Variants in NR3C2 observed in about 807,000 individuals in gnomAD.
The protein encoded by NR3C2 is mineralocorticoid receptor.
Under a neutral mutation model 86.4 loss-of-function variants are expected in NR3C2, and 15 were observed. The observed-to-expected ratio is 0.17, with a 90% confidence interval of 0.12 to 0.27. The LOEUF is 0.27. Ranked by LOEUF, NR3C2 falls within the 10% of genes least tolerant of loss-of-function variation. The pLI, the probability that NR3C2 is intolerant of heterozygous loss-of-function variation, is 1.00. For missense variants in NR3C2, 960 were observed against 1,195.6 expected (o/e 0.80, Z 2.91); for synonymous variants, 458 against 450.5 (o/e 1.02, Z -0.21).
chr4:148,259,190 C>T (rs1350650850), intron 3 of NR3C2, among the ~76,000 whole-genome samples: 2 of 152,100 alleles, frequency 1.3e-5, no homozygotes, highest in African/African-American at 4.8e-5. Context: ...ATGTGGAGCC[C>T]CTTAGTGAAT....
chr4:148,444,893 G>T (rs1280225570), upstream of NR3C2: 42 of 984,706 alleles, frequency 4.3e-5, no homozygotes, highest in Non-Finnish European at 5.1e-5. Context: ...CGCGCCCGCC[G>T]CTCCGCAGCG....
intron 2 of NR3C2, among the ~76,000 whole-genome samples, chr4:148,370,432 T>C (rs1028404113): frequency 6.6e-5 from 10 of 152,242 alleles, no homozygotes; most frequent in African/African-American, 2.4e-4. Context: ...GTTAAAGTTT[T>C]TTCTGTGAAT....
chr4:148,369,005 G>T (rs1489234032), intron 2 of NR3C2, among the ~76,000 whole-genome samples: 1 of 152,106 alleles, frequency 6.6e-6, no homozygotes, highest in Non-Finnish European at 1.5e-5. Context: ...CCCACTTGCT[G>T]CCATTAACTA....
intron 3 of NR3C2, among the ~76,000 whole-genome samples, chr4:148,254,086 G>A (rs535157716): frequency 1.8e-4 from 28 of 151,866 alleles, no homozygotes; most frequent in East Asian, 7.8e-4. Flanking sequence ...CTATCTGCCC[G>A]CCCTCTCAAT....
chr4:148,319,166 T>G (rs1198345270), intron 2 of NR3C2, among the ~76,000 whole-genome samples: 4 of 151,732 alleles, frequency 2.6e-5, no homozygotes, highest in Non-Finnish European at 5.9e-5. Context: ...TTCTCAGGTT[T>G]GTCAAAGATC....
intron 2 of NR3C2, among the ~76,000 whole-genome samples, chr4:148,274,569 T>G (rs1266497794): frequency 6.6e-6 from 1 of 152,142 alleles, no homozygotes; most frequent in East Asian, 1.9e-4. Context: ...TGCTGCCATG[T>G]AAGACGTGCC....
intron 6 of NR3C2, among the ~76,000 whole-genome samples, chr4:148,135,429 T>TC (rs1489909197): frequency 6.6e-6 from 1 of 152,106 alleles, no homozygotes; most frequent in African/African-American, 2.4e-5. Context: ...CAAGGTGCCA[T>TC]CTTGGAAGGA....
At chr4:148,252,563 C>A (rs1241540425) in intron 3 of NR3C2, among the ~76,000 whole-genome samples, 1 of 152,128 alleles carries the variant, frequency 6.6e-6, no homozygotes, top group Non-Finnish European at 1.5e-5. Flanking sequence ...GGATACAAAT[C>A]AGATGAAAAG....
intron 2 of NR3C2, among the ~76,000 whole-genome samples, chr4:148,430,167 A>G (rs1021415297): frequency 2.0e-5 from 3 of 149,670 alleles, no homozygotes; most frequent in Admixed American, 6.6e-5. Flanking sequence ...AGAACTTTAC[A>G]TTCAAAAGTC....
chr4:148,225,868 C>T (rs554878210), intron 3 of NR3C2, among the ~76,000 whole-genome samples: 5 of 152,232 alleles, frequency 3.3e-5, no homozygotes, highest in African/African-American at 9.6e-5. Flanking sequence ...GACTGTATCA[C>T]TCACTGGGTC....
At chr4:148,325,830 G>A (rs1018143296) in intron 2 of NR3C2, among the ~76,000 whole-genome samples, 1 of 152,152 alleles carries the variant, frequency 6.6e-6, no homozygotes, top group African/African-American at 2.4e-5. Flanking sequence ...AATCCTTACA[G>A]TAGATGTTAT....
At chr4:148,321,310 T>C (rs926640093) in intron 2 of NR3C2, among the ~76,000 whole-genome samples, 2 of 149,678 alleles carry the variant, frequency 1.3e-5, no homozygotes, top group South Asian at 2.1e-4. Flanking sequence ...ATGTGGTCAA[T>C]TTTGGAATAG....
chr4:148,188,113 T>A (rs1484713805), intron 4 of NR3C2, among the ~76,000 whole-genome samples: 1 of 152,258 alleles, frequency 6.6e-6, no homozygotes, highest in Non-Finnish European at 1.5e-5. Context: ...TTTTGGTAAC[T>A]ATGGCCTTAC....
intron 3 of NR3C2, among the ~76,000 whole-genome samples, chr4:148,204,744 A>G (rs1205525704): frequency 3.3e-5 from 5 of 152,236 alleles, no homozygotes; most frequent in Non-Finnish European, 7.3e-5. Context: ...CAAATACATC[A>G]CTAACCACTC....
At chr4:148,101,215 C>T (rs4835479) in intron 8 of NR3C2, among the ~76,000 whole-genome samples, 6,875 of 152,254 alleles carry the variant, frequency 0.045, 213 homozygotes, top group Middle Eastern at 0.11. Context: ...TGTGGACATT[C>T]CCCCTTCTCA....
chr4:148,422,656 A>T (rs545572542), intron 2 of NR3C2, among the ~76,000 whole-genome samples: 2 of 152,302 alleles, frequency 1.3e-5, no homozygotes, highest in South Asian at 4.1e-4. Flanking sequence ...ACAAGCCTAG[A>T]TCTTGTATGC....
chr4:148,130,059 T>C (rs1732946334), intron 6 of NR3C2, among the ~76,000 whole-genome samples: 1 of 152,262 alleles, frequency 6.6e-6, no homozygotes, highest in Admixed American at 6.5e-5. Context: ...TTTTTAGTTT[T>C]ACCGTATCTG....
At chr4:148,223,905 T>C (rs2149830649) in intron 3 of NR3C2, among the ~76,000 whole-genome samples, 1 of 152,264 alleles carries the variant, frequency 6.6e-6, no homozygotes, top group Non-Finnish European at 1.5e-5. Flanking sequence ...ATGTTTTAGG[T>C]ACCTGTAAAA....
chr4:148,346,911 A>C (rs185314413), intron 2 of NR3C2, among the ~76,000 whole-genome samples: 1 of 152,126 alleles, frequency 6.6e-6, no homozygotes. Context: ...AGAAGCACTA[A>C]TGAGAGTTTG....
Sources: gnomAD v4.1 joint callset for allele counts (sites outside exome capture counted in the v4.1 genomes callset) on GRCh38, gnomAD v4.1.1 for gene constraint, MANE v1.5 for transcripts, NCBI Gene and HGNC (gene_info 2026-07-23, HGNC 2026-07-21) for gene names.